CACNA2D3: variants seen among roughly 807,000 people sequenced by gnomAD.
The protein encoded by CACNA2D3 is voltage-dependent calcium channel subunit alpha-2/delta-3.
Under a neutral mutation model 160.6 loss-of-function variants are expected in CACNA2D3, and 60 were observed. The ratio of observed to expected loss-of-function variants is 0.37; its 90% CI spans 0.30 to 0.46. The LOEUF (loss-of-function observed/expected upper bound fraction) is 0.46, where lower values mean the gene tolerates loss of function less well. Ranked by LOEUF, CACNA2D3 falls within the 20% of genes least tolerant of loss-of-function variation. CACNA2D3 has a pLI of 1.00. For missense variants in CACNA2D3, 1,205 were observed against 1,365.0 expected, an observed-to-expected ratio of 0.88 and a Z score of 1.85; for synonymous variants, 558 against 492.9, an observed-to-expected ratio of 1.13 and a Z score of -1.75.
chr3:54,234,149 C>G (rs932495328), intron 2 of CACNA2D3, among the ~76,000 whole-genome samples: 1 of 152,094 alleles, frequency 6.6e-6, no homozygotes, highest in East Asian at 1.9e-4. Context: ...CTATAAGGAT[C>G]TTAAATTTAC....
chr3:54,768,720 A>G (rs993596496), intron 13 of CACNA2D3, among the ~76,000 whole-genome samples: 2 of 152,226 alleles, frequency 1.3e-5, no homozygotes, highest in Middle Eastern at 3.2e-3. Context: ...TAAACTTGGT[A>G]TGCCAAGATG....
At chr3:54,932,090 G>A (rs1701204458) in intron 27 of CACNA2D3, among the ~76,000 whole-genome samples, 1 of 152,088 alleles carries the variant, frequency 6.6e-6, no homozygotes, top group South Asian at 2.1e-4. Context: ...GCTGAGGTAG[G>A]AGGATCACCT....
chr3:54,412,722 T>A (rs1466454481), intron 4 of CACNA2D3, among the ~76,000 whole-genome samples: 1 of 151,464 alleles, frequency 6.6e-6, no homozygotes, highest in African/African-American at 2.4e-5. Context: ...TTTCTCTCTG[T>A]TTTTGTTGTT....
rs529265734 is a variant in CACNA2D3 at position 54,139,690 on chromosome 3, C to A, written c.204+16096C>A. ...GGTATATTCATTTCCCTGATCCACC[C>A]TCCCTTGAATGTTGACTTAATAACA... is the stretch of plus-strand genomic sequence containing the variant. On this transcript the variant is annotated intron_variant, in intron 2 of 37. Transcript: ENST00000474759. Among the ~76,000 whole-genome samples the A allele has an allele frequency of 7.2e-5, 11 of 152,334 alleles. No individual in the cohort carries two copies. The South Asian group carries it at 2.1e-3, about 29-fold the overall frequency.
At chr3:54,511,063 A>G (rs1701450934) in intron 5 of CACNA2D3, among the ~76,000 whole-genome samples, 2 of 152,012 alleles carry the variant, frequency 1.3e-5, no homozygotes, top group South Asian at 2.1e-4. Context: ...GCTAGATCCC[A>G]GGATTCCAGA....
At chr3:54,630,290 A>G (rs1460109837) in intron 10 of CACNA2D3, among the ~76,000 whole-genome samples, 1 of 151,942 alleles carries the variant, frequency 6.6e-6, no homozygotes, top group Non-Finnish European at 1.5e-5. Flanking sequence ...CTCTTTGCCC[A>G]AGTCATTAGG....
At chr3:54,636,147 G>T (rs1254720128) in intron 10 of CACNA2D3, among the ~76,000 whole-genome samples, 2 of 151,894 alleles carry the variant, frequency 1.3e-5, no homozygotes, top group African/African-American at 2.4e-5. Flanking sequence ...GAAAGGAAAT[G>T]AGAGGTTCTG....
At chr3:54,573,220 C>A (rs938190457) in intron 8 of CACNA2D3, among the ~76,000 whole-genome samples, 1 of 152,086 alleles carries the variant, frequency 6.6e-6, no homozygotes. Context: ...TTATTTGAAG[C>A]CTTTATAGTA....
Position 54,763,647 on chromosome 3 carries a change from A to G in CACNA2D3, c.1247-571A>G, listed in dbSNP as rs372914049. Among the ~76,000 whole-genome samples, 153 of 122,730 alleles carry G rather than the reference A, an allele frequency of 1.2e-3. No homozygotes were observed. The South Asian group carries it at 0.013, about 10-fold the overall frequency. The allele number at this position is 122,730 out of a possible 152,430, so 80.5% of individuals were successfully genotyped here. ...ATATACTGTGTGTGTGTGTGTGTGT[A>G]TATATATGTGTGTGTGTGTGTGTAT... On this transcript the variant is annotated intron_variant, in intron 12 of 37. Coordinates refer to ENST00000474759, the MANE Select transcript of CACNA2D3 (RefSeq NM_018398.3).
Position 54,207,782 on chromosome 3 carries a change from C to T in CACNA2D3, c.204+84188C>T, listed in dbSNP as rs572450330. Among the ~76,000 whole-genome samples the T allele has an allele frequency of 2.0e-5, 3 of 152,130 alleles. No individual in the cohort carries two copies. In the East Asian group the frequency reaches 5.8e-4, roughly 29 times the overall value. On this transcript the variant is annotated intron_variant, in intron 2 of 37. Coordinates refer to ENST00000474759, the MANE Select transcript of CACNA2D3 (RefSeq NM_018398.3). ...AAAGTGATGAATCTCTTCTCTGTGT[C>T]ACTTCATCATGGGAGCCACGAGATA...
At chr3:54,405,001 AAG>A (rs1699547189) in intron 4 of CACNA2D3, among the ~76,000 whole-genome samples, 1 of 151,188 alleles carries the variant, frequency 6.6e-6, no homozygotes, top group Non-Finnish European at 1.5e-5. Flanking sequence ...ACATTGATGA[AAG>A]AAATTGAAGA....
intron 13 of CACNA2D3, among the ~76,000 whole-genome samples, chr3:54,775,769 A>G: frequency 6.6e-6 from 1 of 152,108 alleles, no homozygotes; most frequent in African/African-American, 2.4e-5. Flanking sequence ...TACTTCTGTC[A>G]CCTCTTAGAA....
chr3:54,512,733 T>C (rs1701479389), intron 5 of CACNA2D3, among the ~76,000 whole-genome samples: 1 of 152,202 alleles, frequency 6.6e-6, no homozygotes, highest in Non-Finnish European at 1.5e-5. Context: ...GTCCTACTTC[T>C]TAGGCCACTT....
At chr3:54,384,089 C>G (rs2359785) in intron 3 of CACNA2D3, among the ~76,000 whole-genome samples, 53,117 of 151,768 alleles carry the variant, frequency 0.35, 9,398 homozygotes, top group Admixed American at 0.42. Flanking sequence ...TTTTGTTGGT[C>G]CTACATGACT....
chr3:54,249,587 A>ACACACACACACC (rs1240451243), intron 2 of CACNA2D3, among the ~76,000 whole-genome samples: 1 of 145,958 alleles, frequency 6.9e-6, no homozygotes. Context: ...ACACACACAC[A>ACACACACACACC]CCAGGCTACA....
At chr3:54,612,826 A>G (rs889813872) in intron 9 of CACNA2D3, among the ~76,000 whole-genome samples, 3 of 152,188 alleles carry the variant, frequency 2.0e-5, no homozygotes, top group Non-Finnish European at 2.9e-5. Context: ...AGCCAGCTGA[A>G]ATGACCCACC....
chr3:54,414,699 GT>G (rs1451280405), intron 4 of CACNA2D3, among the ~76,000 whole-genome samples: 1 of 150,924 alleles, frequency 6.6e-6, no homozygotes, highest in Non-Finnish European at 1.5e-5. Flanking sequence ...GTGACTATAA[GT>G]CTTAATTTGT....
chr3:54,604,888 C>T (rs540959968), intron 9 of CACNA2D3, among the ~76,000 whole-genome samples: 42 of 152,242 alleles, frequency 2.8e-4, no homozygotes, highest in South Asian at 6.2e-4. Context: ...TGGAGTAGTT[C>T]GCAAGGGCTG....
intron 9 of CACNA2D3, among the ~76,000 whole-genome samples, chr3:54,612,836 C>A (rs2106791246): frequency 6.6e-6 from 1 of 152,300 alleles, no homozygotes; most frequent in South Asian, 2.1e-4. Flanking sequence ...AATGACCCAC[C>A]AGTCTACAGT....
Sources: gnomAD v4.1 joint callset for allele counts (sites outside exome capture counted in the v4.1 genomes callset) on GRCh38, gnomAD v4.1.1 for gene constraint, MANE v1.5 for transcripts, NCBI Gene and HGNC (gene_info 2026-07-23, HGNC 2026-07-21) for gene names.